The following ADAMTS17 variants were observed in gnomAD, a reference collection of about 807,000 sequenced individuals.
ADAMTS17 encodes the protein A disintegrin and metalloproteinase with thrombospondin motifs 17.
Under a neutral mutation model 141.5 loss-of-function variants are expected in ADAMTS17, and 113 were observed. The observed-to-expected ratio is 0.80, with a 90% CI of 0.69 to 0.93. ADAMTS17 has a LOEUF of 0.93. Among genes scored for constraint, ADAMTS17 ranks in the 40% least tolerant of loss-of-function variants. The pLI is 0.00. For missense variants in ADAMTS17, 1,659 were observed against 1,517.9 expected, an observed-to-expected ratio of 1.09 and a Z score of -1.54; for synonymous variants, 768 against 630.6, an observed-to-expected ratio of 1.22 and a Z score of -3.27.
chr15:100,113,479 T>C (rs1371396318), intron 13 of ADAMTS17, among the ~76,000 whole-genome samples: 1 of 152,152 alleles, frequency 6.6e-6, no homozygotes, highest in South Asian at 2.1e-4. Context: ...AAATATTTGG[T>C]TGATGCACTG....
Position 99,974,179 on chromosome 15 carries a change from G to T in ADAMTS17, c.*223C>A, listed in dbSNP as rs1053194039. The stretch of plus-strand genomic sequence containing the variant: ...ATCCTAGAAATTGAAGTTACTTTGT[G>T]ACTCATGCCTACTTTCTCCTCACTG... On this transcript the variant is annotated 3_prime_UTR_variant, in exon 22 of 22. Transcript: ENST00000268070. 2.2e-5 allele frequency: 13 copies of T among 595,912 alleles called. No homozygotes were observed. The highest frequency in any genetic ancestry group is 2.0e-4 in the African/African-American group (11 of 53,674). 36.9% of individuals were successfully genotyped at this position (595,912 alleles called of 1,614,324 possible). A position where few individuals can be genotyped will look rare whatever the true frequency, so the allele number is the denominator to read the frequency against.
chr15:100,219,244 G>T (rs1224029798), intron 7 of ADAMTS17, among the ~76,000 whole-genome samples: 1 of 152,168 alleles, frequency 6.6e-6, no homozygotes, highest in Non-Finnish European at 1.5e-5. Flanking sequence ...TATTTCTGGG[G>T]TGATAAAAAT....
At chr15:100,079,974 G>A (rs1175576660) in intron 15 of ADAMTS17, among the ~76,000 whole-genome samples, 1 of 152,174 alleles carries the variant, frequency 6.6e-6, no homozygotes, top group African/African-American at 2.4e-5. Context: ...ATGCCAACTA[G>A]GTGACAACAC....
At chr15:100,200,811 C>A (rs2041301066) in intron 7 of ADAMTS17, among the ~76,000 whole-genome samples, 1 of 152,150 alleles carries the variant, frequency 6.6e-6, no homozygotes, top group Non-Finnish European at 1.5e-5. Flanking sequence ...GGCTGTCCCT[C>A]TGTCGAGCTG....
chr15:100,093,507 C>T (rs1339427622), intron 15 of ADAMTS17, among the ~76,000 whole-genome samples: 1 of 152,178 alleles, frequency 6.6e-6, no homozygotes, highest in Non-Finnish European at 1.5e-5. Flanking sequence ...TCCACCCACT[C>T]AGCTGCACTT....
chr15:100,093,871 A>C (rs1254155182), intron 15 of ADAMTS17, among the ~76,000 whole-genome samples: 1 of 152,110 alleles, frequency 6.6e-6, no homozygotes, highest in East Asian at 1.9e-4. Flanking sequence ...CTGCATAAAT[A>C]ACCATTGCGT....
intron 18 of ADAMTS17, among the ~76,000 whole-genome samples, chr15:100,032,794 G>A (rs79270656): frequency 0.065 from 9,879 of 152,214 alleles, 451 homozygotes; most frequent in South Asian, 0.15. Flanking sequence ...ATGACTAAGC[G>A]TCTCGAAGTC....
chr15:100,240,583 C>A (rs2141894441), intron 7 of ADAMTS17, among the ~76,000 whole-genome samples: 1 of 152,264 alleles, frequency 6.6e-6, no homozygotes, highest in South Asian at 2.1e-4. Context: ...CCAGAGGGCA[C>A]CCGAGGAATC....
At chr15:100,008,806 C>A (rs906098222) in intron 18 of ADAMTS17, among the ~76,000 whole-genome samples, 1 of 152,214 alleles carries the variant, frequency 6.6e-6, no homozygotes, top group African/African-American at 2.4e-5. Context: ...CTCTAACACA[C>A]ATGTGGTCAC....
At chr15:100,153,657 T>G (rs1018548791) in intron 9 of ADAMTS17, among the ~76,000 whole-genome samples, 12 of 151,514 alleles carry the variant, frequency 7.9e-5, no homozygotes, top group Non-Finnish European at 1.8e-4. Flanking sequence ...AATAACTAAA[T>G]GAATAAGTGA....
intron 8 of ADAMTS17, among the ~76,000 whole-genome samples, chr15:100,184,928 A>C (rs2141554186): frequency 6.6e-6 from 1 of 151,472 alleles, no homozygotes; most frequent in Non-Finnish European, 1.5e-5. Flanking sequence ...TTTGTTAATC[A>C]CTCCTCTATT....
chr15:100,008,188 T>C (rs1791099583), intron 18 of ADAMTS17, among the ~76,000 whole-genome samples: 1 of 151,844 alleles, frequency 6.6e-6, no homozygotes, highest in Non-Finnish European at 1.5e-5. Flanking sequence ...CCCTCCCTCT[T>C]AGAGGGGCAC....
intron 2 of ADAMTS17, among the ~76,000 whole-genome samples, chr15:100,333,151 C>T (rs2046105799): frequency 6.6e-6 from 1 of 152,214 alleles, no homozygotes; most frequent in East Asian, 1.9e-4. Flanking sequence ...CCCTTCCCCG[C>T]AGCCCCCTGC....
chr15:100,125,781 G>A (rs912695945), intron 12 of ADAMTS17, among the ~76,000 whole-genome samples: 3 of 152,190 alleles, frequency 2.0e-5, no homozygotes, highest in Admixed American at 6.5e-5. Context: ...AGGCCTCCAC[G>A]TCAGCTAGCA....
intron 8 of ADAMTS17, among the ~76,000 whole-genome samples, chr15:100,174,253 GGT>G (rs2040258652): frequency 6.7e-6 from 1 of 150,268 alleles, no homozygotes; most frequent in African/African-American, 2.5e-5. Context: ...CCCAATTTTG[GGT>G]GAGACAGAGG....
intron 10 of ADAMTS17, among the ~76,000 whole-genome samples, chr15:100,136,142 A>G (rs532008681): frequency 6.6e-6 from 1 of 152,358 alleles, no homozygotes; most frequent in Admixed American, 6.5e-5. Flanking sequence ...CTGAAATACT[A>G]CTTGCATTAG....
rs543556600 is a variant in ADAMTS17 at position 100,224,338 on chromosome 15, C to T, written c.1076-24915G>A. ...AGGAGGGTGGGGGGTACAGATATAC[C>T]AGGGAGGGAGAGGGAACAGGATGGG... On this transcript the variant is annotated intron_variant, in intron 7 of 21. Transcript: ENST00000268070. 1.9e-3 allele frequency among the ~76,000 whole-genome samples: 291 copies of T among 152,124 alleles called. 1 individual carries two copies. The highest frequency in any genetic ancestry group is 3.3e-3 in the Non-Finnish European group (221 of 67,986).
chr15:100,089,153 A>G (rs1490025162), intron 15 of ADAMTS17, among the ~76,000 whole-genome samples: 1 of 151,674 alleles, frequency 6.6e-6, no homozygotes, highest in Non-Finnish European at 1.5e-5. Flanking sequence ...GAAAAAAACA[A>G]CCCCATCAAA....
intron 12 of ADAMTS17, among the ~76,000 whole-genome samples, chr15:100,127,475 T>C (rs2037802104): frequency 1.3e-5 from 2 of 152,222 alleles, no homozygotes; most frequent in African/African-American, 4.8e-5. Flanking sequence ...GACACCTTGA[T>C]TTTGGACTTC....
Sources: gnomAD v4.1 joint callset for allele counts (sites outside exome capture counted in the v4.1 genomes callset) on GRCh38, gnomAD v4.1.1 for gene constraint, MANE v1.5 for transcripts, NCBI Gene and HGNC (gene_info 2026-07-23, HGNC 2026-07-21) for gene names.